The following PHF3 variants were observed in gnomAD, a reference collection of about 807,000 sequenced individuals.
PHF3 encodes PHD finger protein 3.
Under a neutral mutation model 178.4 loss-of-function variants are expected in PHF3, and 41 were observed. The observed-to-expected ratio is 0.23, with a 90% CI of 0.18 to 0.30. The LOEUF (loss-of-function observed/expected upper bound fraction) is 0.30, where lower values mean the gene tolerates loss of function less well. PHF3 is among the 10% of genes least tolerant of loss of function. The pLI, the probability that PHF3 is intolerant of heterozygous loss-of-function variation, is 1.00. For missense variants in PHF3, 2,346 were observed against 2,398.1 expected, an observed-to-expected ratio of 0.98 and a Z score of 0.45; for synonymous variants, 842 against 800.5, an observed-to-expected ratio of 1.05 and a Z score of -0.88.
In PHF3 at chr6:63,720,514, C is replaced by T. The variant is rs550077615; in HGVS notation, c.*6806C>T. The T allele has an allele frequency of 2.0e-6, 2 of 993,626 alleles. No homozygotes were observed. The highest frequency in any genetic ancestry group is 2.0e-5 in the South Asian group (1 of 49,674). 61.6% of individuals were successfully genotyped at this position (993,626 alleles called of 1,614,324 possible). The stretch of plus-strand genomic sequence containing the variant: ...CAGGTAATATAGTAAACAGTTGATT[C>T]CCCGTAAGCAATGTATCAAAGAAAT... On this transcript the variant is annotated 3_prime_UTR_variant, in exon 16 of 16. Coordinates refer to ENST00000262043, the MANE Select transcript of PHF3 (RefSeq NM_001370348.2).
chr6:63,701,079 T>G (rs1353424968), intron 9 of PHF3, among the ~76,000 whole-genome samples: 4 of 152,218 alleles, frequency 2.6e-5, no homozygotes, highest in Non-Finnish European at 5.9e-5. Flanking sequence ...CAGCACAGTT[T>G]GAAGGTATTA....
Position 63,703,759 on chromosome 6 carries a change from T to C in PHF3, c.3367+88T>C. Reference sequence around the variant, plus strand: ...TAGTATATGTAATTTAAGTAGGTTTTGTTTTCCCAATATTGGTGGTGAGGC... The same window carrying C: ...TAGTATATGTAATTTAAGTAGGTTTCGTTTTCCCAATATTGGTGGTGAGGC... On this transcript the variant is annotated intron_variant, in intron 11 of 15. Transcript: ENST00000262043. 2.3e-6 allele frequency: 3 copies of C among 1,319,000 alleles called. No individual in the cohort carries two copies. In the South Asian group the frequency reaches 4.1e-5, roughly 18 times the overall value. The allele number at this position is 1,319,000 out of a possible 1,614,324, so 81.7% of individuals were successfully genotyped here. A position where few individuals can be genotyped will look rare whatever the true frequency, so the allele number is the denominator to read the frequency against.
chr6:63,713,836 A>G lies in PHF3; in HGVS notation c.*128A>G. On this transcript the variant is annotated 3_prime_UTR_variant, in exon 16 of 16. Transcript: ENST00000262043. Reference sequence around the variant, plus strand: ...TTTTACTATTGGTCATTTGCAGAACAGTAAATTCTGTGTGTTGGTACAGAG... The same window carrying G: ...TTTTACTATTGGTCATTTGCAGAACGGTAAATTCTGTGTGTTGGTACAGAG... 1 of 744,170 alleles carries G rather than the reference A, an allele frequency of 1.3e-6. No individual in the cohort carries two copies. Among genetic ancestry groups the G allele is most frequent in the Non-Finnish European group, 2.1e-6 (1 of 466,270 alleles). The allele number at this position is 744,170 out of a possible 1,614,324, so 46.1% of individuals were successfully genotyped here. A position where few individuals can be genotyped will look rare whatever the true frequency, so the allele number is the denominator to read the frequency against.
intron 4 of PHF3, among the ~76,000 whole-genome samples, chr6:63,686,504 T>C (rs894884930): frequency 1.3e-5 from 2 of 152,166 alleles, no homozygotes; most frequent in African/African-American, 4.8e-5. Context: ...TTTTAAATAA[T>C]TTTTTGTGAA....
At chr6:63,693,871 C>T (rs1767114659) in intron 5 of PHF3, among the ~76,000 whole-genome samples, 1 of 152,208 alleles carries the variant, frequency 6.6e-6, no homozygotes, top group Admixed American at 6.5e-5. Flanking sequence ...TGTTGTGTGG[C>T]ATAGCACTAC....
rs2149612481 is a variant in PHF3 at position 63,712,141 on chromosome 6, G to T, written c.4553G>T (p.Gly1518Val). ...ACAGATAATGTGGAAGTAACTGATG[G>T]TGAAAACAAGGAGATAAAAGTTAAA... ...EKTDNVEVTD[G>V]ENKEIKVKVD... Residue 1518 changes from glycine (G) to valine (V), a missense_variant, in exon 16 of 16, where the codon GGT becomes GTT. By Grantham distance (109) the Gly-to-Val change is moderately radical. This residue lies in a region of PHF3 where 839 missense variants were observed against 806.9 expected (regional missense o/e 1.04). Transcript: ENST00000262043. The T allele has an allele frequency of 1.2e-6, 2 of 1,613,360 alleles. No homozygotes were observed. The highest frequency in any genetic ancestry group is 2.2e-5 in the South Asian group (2 of 90,930).
At chr6:63,686,804 G>A (rs1302617047) in intron 4 of PHF3, among the ~76,000 whole-genome samples, 2 of 152,174 alleles carry the variant, frequency 1.3e-5, no homozygotes, top group African/African-American at 4.8e-5. Flanking sequence ...GTGTGCTAGA[G>A]TGATTTTTCC....
intron 1 of PHF3, among the ~76,000 whole-genome samples, chr6:63,645,354 A>C (rs1764740902): frequency 6.6e-6 from 1 of 152,148 alleles, no homozygotes; most frequent in Non-Finnish European, 1.5e-5. Context: ...GCATTTTTTT[A>C]AATAATGCGA....
At chr6:63,639,525 T>G (rs1404584883) in intron 1 of PHF3, among the ~76,000 whole-genome samples, 2 of 152,194 alleles carry the variant, frequency 1.3e-5, no homozygotes, top group African/African-American at 4.8e-5. Context: ...CTAGCATTTT[T>G]TAAGATTTCA....
At position 63,706,069 on chromosome 6, in the gene PHF3, A is replaced by G. The variant is rs1392025998; in HGVS notation, c.3408A>G (p.Lys1136=). The stretch of plus-strand genomic sequence containing the variant: ...CTGTAGATGATCTTTCTCCAAAAAA[A>G]GTAAAAGTTGTTGTAGGAGTAGCTC... The part of the protein sequence containing the change: ...APPVDDLSPK[K]VKVVVGVARK... Residue 1136 remains lysine, a synonymous_variant, in exon 12 of 16, where the codon AAA becomes AAG. Transcript: ENST00000262043. 2.5e-6 allele frequency: 4 copies of G among 1,613,656 alleles called. No homozygotes were observed. In the African/African-American group the frequency reaches 4.0e-5, roughly 16 times the overall value.
intron 2 of PHF3, 81 bp downstream of exon 2, chr6:63,646,876 CTTTTTTTCTT>C: frequency 1.3e-6 from 1 of 773,294 alleles, no homozygotes; most frequent in East Asian, 5.1e-5. Flanking sequence ...TTTCTTTTTT[CTTTTTTTCTT>C]TTTTTTTTTT....
Position 63,713,821 on chromosome 6 carries a change from G to A in PHF3, c.*113G>A. 8.1e-6 allele frequency: 7 copies of A among 863,290 alleles called. No individual in the cohort carries two copies. The highest frequency in any genetic ancestry group is 1.2e-5 in the Non-Finnish European group (7 of 572,722). 53.5% of individuals were successfully genotyped at this position (863,290 alleles called of 1,614,324 possible). On this transcript the variant is annotated 3_prime_UTR_variant, in exon 16 of 16. Transcript: ENST00000262043. ...TGCCATCTTTAAAATTTTTACTATT[G>A]GTCATTTGCAGAACAGTAAATTCTG...
intron 4 of PHF3, 29 bp downstream of exon 4, chr6:63,685,940 T>C (rs768178464): frequency 2.0e-6 from 3 of 1,494,624 alleles, no homozygotes; most frequent in South Asian, 2.4e-5. Context: ...ATGAGTGATG[T>C]GTACATTGAA....
In PHF3 at chr6:63,725,836, G is replaced by T. The variant is rs1031233418; in HGVS notation, c.*12128G>T. Among the ~76,000 whole-genome samples the T allele has an allele frequency of 3.3e-5, 5 of 152,018 alleles. No homozygotes were observed. Among genetic ancestry groups the T allele is most frequent in the African/African-American group, 9.7e-5 (4 of 41,414 alleles). On this transcript the variant is annotated 3_prime_UTR_variant, in exon 16 of 16. Coordinates refer to ENST00000262043, the MANE Select transcript of PHF3 (RefSeq NM_001370348.2). ...GTAATTATTTCTCAATATCAAAATT[G>T]TTTCTCATTTTCTGAGAGACAAGAT...
chr6:63,701,908 A>G (rs1767492938), intron 9 of PHF3, among the ~76,000 whole-genome samples: 1 of 152,176 alleles, frequency 6.6e-6, no homozygotes, highest in South Asian at 2.1e-4. Flanking sequence ...TGTACTTAAC[A>G]AAGGCAGTAC....
intron 1 of PHF3, among the ~76,000 whole-genome samples, chr6:63,642,499 G>C (rs566429686): frequency 6.6e-6 from 1 of 152,206 alleles, no homozygotes; most frequent in East Asian, 1.9e-4. Context: ...GAATAATTTT[G>C]AATTATGCAG....
At chr6:63,699,151 T>G (rs547290853) in intron 8 of PHF3, among the ~76,000 whole-genome samples, 4 of 152,290 alleles carry the variant, frequency 2.6e-5, no homozygotes, top group African/African-American at 9.6e-5. Context: ...GATTTCATGT[T>G]TTGGACAGAG....
chr6:63,689,933 C>T (rs2149589901), intron 4 of PHF3, among the ~76,000 whole-genome samples: 1 of 152,252 alleles, frequency 6.6e-6, no homozygotes, highest in East Asian at 1.9e-4. Flanking sequence ...AAATCATTAG[C>T]TTTCCTTCAG....
intron 1 of PHF3, among the ~76,000 whole-genome samples, chr6:63,646,057 G>A (rs1477304467): frequency 2.0e-5 from 3 of 151,926 alleles, no homozygotes; most frequent in Non-Finnish European, 2.9e-5. Flanking sequence ...AATAAAACAA[G>A]CCTACTTTAT....
Sources: gnomAD v4.1 joint callset for allele counts (sites outside exome capture counted in the v4.1 genomes callset) on GRCh38, gnomAD v4.1.1 for gene constraint, gnomAD v4.1.1 regional missense constraint, MANE v1.5 for transcripts, NCBI Gene and HGNC (gene_info 2026-07-23, HGNC 2026-07-21) for gene names.